GPHN: variants seen among roughly 807,000 people sequenced by gnomAD.
GPHN encodes the protein gephyrin.
Under a neutral mutation model 95.5 loss-of-function variants are expected in GPHN, and 17 were observed. The ratio of observed to expected loss-of-function variants is 0.18; its 90% CI spans 0.12 to 0.27. The LOEUF is 0.27. Among genes scored for constraint, GPHN ranks in the 10% least tolerant of loss-of-function variants. The pLI, the probability that GPHN is intolerant of heterozygous loss-of-function variation, is 1.00. For missense variants in GPHN, 660 were observed against 978.1 expected (o/e 0.67, Z 4.34); for synonymous variants, 320 against 322.5 (o/e 0.99, Z 0.08).
chr14:67,651,256 C>T, the GPHN span: 1 of 1,541,332 alleles, frequency 6.5e-7, no homozygotes, highest in East Asian at 2.3e-5. Flanking sequence ...CCTCCTCCCA[C>T]AGCCTGGCTA....
At chr14:67,366,831 T>C in the GPHN span, among the ~76,000 whole-genome samples, 30 of 138,980 alleles carry the variant, frequency 2.2e-4, no homozygotes, top group Non-Finnish European at 3.9e-4. Flanking sequence ...AGTCGACACT[T>C]ATAAGAAAGG....
chr14:67,132,924 G>A (rs1358104442), intron 17 of GPHN, among the ~76,000 whole-genome samples: 1 of 151,350 alleles, frequency 6.6e-6, no homozygotes, highest in African/African-American at 2.4e-5. Flanking sequence ...TGATATTAAT[G>A]TCATTGCTTA....
At chr14:67,647,030 G>A in the GPHN span, 3 of 1,592,290 alleles carry the variant, frequency 1.9e-6, no homozygotes, top group African/African-American at 1.3e-5. Context: ...TGGCAAGTAA[G>A]TAACTATAAC....
the GPHN span, among the ~76,000 whole-genome samples, chr14:67,701,401 T>A: frequency 1.8e-4 from 27 of 150,476 alleles, no homozygotes; most frequent in Non-Finnish European, 3.8e-4. Context: ...TTTAAAAAAA[T>A]TTTAAAGAAC....
chr14:67,120,053 G>T (rs187404933), intron 16 of GPHN, among the ~76,000 whole-genome samples: 1 of 151,836 alleles, frequency 6.6e-6, no homozygotes, highest in Non-Finnish European at 1.5e-5. Context: ...TTGAACCCAG[G>T]GGGTGGAGGT....
At chr14:67,662,515 T>G in the GPHN span, 1 of 1,611,740 alleles carries the variant, frequency 6.2e-7, no homozygotes. Context: ...TCAAAATCCC[T>G]GATCAATTTC....
chr14:66,838,032 A>G (rs2061925281), intron 4 of GPHN, among the ~76,000 whole-genome samples: 1 of 152,126 alleles, frequency 6.6e-6, no homozygotes. Flanking sequence ...ATACTGCTTA[A>G]TTCTGCTCTG....
At chr14:67,064,129 G>GT (rs1329789557) in intron 11 of GPHN, among the ~76,000 whole-genome samples, 1 of 152,170 alleles carries the variant, frequency 6.6e-6, no homozygotes, top group East Asian at 1.9e-4. Flanking sequence ...TTTATTGAGA[G>GT]TTTTTAGCAT....
chr14:66,848,784 A>C (rs889048970), intron 4 of GPHN, among the ~76,000 whole-genome samples: 1 of 152,082 alleles, frequency 6.6e-6, no homozygotes, highest in South Asian at 2.1e-4. Flanking sequence ...TGCAAGAAAA[A>C]AAAGAATTTG....
the GPHN span, among the ~76,000 whole-genome samples, chr14:67,731,782 G>C: frequency 3.3e-5 from 5 of 152,100 alleles, no homozygotes; most frequent in Non-Finnish European, 2.9e-5. Flanking sequence ...GGAGAGCCAA[G>C]CAGAGTGTGA....
chr14:67,290,103 A>G, the GPHN span, among the ~76,000 whole-genome samples: 5 of 152,058 alleles, frequency 3.3e-5, no homozygotes, highest in East Asian at 1.9e-4. Flanking sequence ...CTTTGACTGT[A>G]TAAGTCCTTG....
chr14:66,760,946 CA>C, intron 2 of GPHN: 2 of 739,366 alleles, frequency 2.7e-6, no homozygotes, highest in East Asian at 3.6e-5. Context: ...CTTTTGCAGG[CA>C]AAGGGAAGCA....
chr14:66,578,652 G>C (rs1226895450), intron 1 of GPHN, among the ~76,000 whole-genome samples: 1 of 70,678 alleles, frequency 1.4e-5, no homozygotes, highest in East Asian at 5.6e-4. Flanking sequence ...CAGGGATAGA[G>C]TGAAAAAAAA....
the GPHN span, chr14:67,714,433 A>G: frequency 2.0e-5 from 3 of 152,090 alleles, no homozygotes; most frequent in African/African-American, 4.8e-5. Context: ...CTCTGTGCCC[A>G]GCTTTGTTTT....
chr14:67,546,909 A>C, the GPHN span, among the ~76,000 whole-genome samples: 1 of 152,164 alleles, frequency 6.6e-6, no homozygotes, highest in African/African-American at 2.4e-5. Flanking sequence ...GTTTGCCTAA[A>C]GTATTTCATA....
chr14:67,405,049 C>T, the GPHN span, among the ~76,000 whole-genome samples: 5 of 151,452 alleles, frequency 3.3e-5, no homozygotes, highest in Non-Finnish European at 7.4e-5. Context: ...CCGTGGCCAA[C>T]ATGGCGAAAC....
intron 10 of GPHN, among the ~76,000 whole-genome samples, chr14:67,044,337 CA>C (rs199619452): frequency 1.3e-5 from 2 of 148,996 alleles, no homozygotes; most frequent in Non-Finnish European, 3.0e-5. Flanking sequence ...GACTCTGTCT[CA>C]AAAAAAAACA....
chr14:66,968,752 T>C (rs1460608803), intron 9 of GPHN, among the ~76,000 whole-genome samples: 2 of 152,158 alleles, frequency 1.3e-5, no homozygotes, highest in Non-Finnish European at 2.9e-5. Context: ...AAATAAGTCT[T>C]TGCCTGGTAG....
the GPHN span, among the ~76,000 whole-genome samples, chr14:67,256,954 C>G: frequency 1.3e-5 from 2 of 152,142 alleles, no homozygotes; most frequent in Admixed American, 1.3e-4. Context: ...GCTAAGGACG[C>G]GGCTGTGACA....
Sources: gnomAD v4.1 joint callset for allele counts (sites outside exome capture counted in the v4.1 genomes callset) on GRCh38, gnomAD v4.1.1 for gene constraint, MANE v1.5 for transcripts, NCBI Gene and HGNC (gene_info 2026-07-23, HGNC 2026-07-21) for gene names.